Variants in JAKMIP2 observed in about 807,000 individuals in gnomAD.
JAKMIP2 encodes the protein janus kinase and microtubule-interacting protein 2.
In JAKMIP2, 25 loss-of-function variants were observed where a neutral mutation model predicts 115.0. The observed-to-expected ratio is 0.22, with a 90% CI of 0.16 to 0.30. The LOEUF (loss-of-function observed/expected upper bound fraction) is 0.30, where lower values mean the gene tolerates loss of function less well. JAKMIP2 is among the 10% of genes least tolerant of loss of function. The pLI is 1.00. For missense variants in JAKMIP2, 642 were observed against 957.6 expected (o/e 0.67, Z 4.35); for synonymous variants, 334 against 343.6 (o/e 0.97, Z 0.31).
At chr5:147,701,802 G>A (rs1237386382) in intron 1 of JAKMIP2, among the ~76,000 whole-genome samples, 5 of 152,172 alleles carry the variant, frequency 3.3e-5, no homozygotes, top group Admixed American at 1.3e-4. Context: ...GACACCAAAT[G>A]TGCTGGTGCC....
intron 15 of JAKMIP2, among the ~76,000 whole-genome samples, chr5:147,629,031 G>A (rs988212013): frequency 6.6e-6 from 1 of 152,096 alleles, no homozygotes; most frequent in Non-Finnish European, 1.5e-5. Context: ...CCTTAACACC[G>A]ATTTGATTTT....
At chr5:147,764,944 GA>G (rs1755080723) in intron 1 of JAKMIP2, among the ~76,000 whole-genome samples, 1 of 75,338 alleles carries the variant, frequency 1.3e-5, no homozygotes. Flanking sequence ...GAGAGAGAGA[GA>G]GGGAGAGAGA....
At chr5:147,664,695 T>C (rs1759206364) in intron 2 of JAKMIP2, among the ~76,000 whole-genome samples, 1 of 152,116 alleles carries the variant, frequency 6.6e-6, no homozygotes, top group African/African-American at 2.4e-5. Context: ...TTTGCATTTT[T>C]TTGCCCACTT....
intron 1 of JAKMIP2, among the ~76,000 whole-genome samples, chr5:147,763,126 A>C (rs996925091): frequency 2.0e-5 from 3 of 152,108 alleles, no homozygotes; most frequent in African/African-American, 7.2e-5. Flanking sequence ...ACCAGACCAC[A>C]GGCAGCCAGT....
intron 1 of JAKMIP2, among the ~76,000 whole-genome samples, chr5:147,691,604 C>A (rs1189149493): frequency 4.6e-5 from 7 of 152,208 alleles, no homozygotes; most frequent in South Asian, 2.1e-4. Flanking sequence ...TTCTCCCGAA[C>A]CTTGTGTTCA....
Position 147,625,256 on chromosome 5 carries a change from C to T in JAKMIP2, c.1996-1567G>A, listed in dbSNP as rs145594717. On this transcript the variant is annotated intron_variant, in intron 16 of 21. Coordinates refer to ENST00000616793, the MANE Select transcript of JAKMIP2 (RefSeq NM_001270941.2). ...TCGACCTCCCAAAGTGCTAGGATTA[C>T]AGGCGTGAGCCACTGCGCCCAGCCC... 1.2e-3 allele frequency among the ~76,000 whole-genome samples: 183 copies of T among 152,286 alleles called. 1 individual carries two copies. Among genetic ancestry groups the T allele is most frequent in the African/African-American group, 3.9e-3 (161 of 41,564 alleles).
At position 147,688,223 on chromosome 5, in the gene JAKMIP2, C is replaced by G. The variant is rs371813670; in HGVS notation, c.-148-16269G>C. Among the ~76,000 whole-genome samples, 4 of 152,286 alleles carry G rather than the reference C, an allele frequency of 2.6e-5. No individual in the cohort carries two copies. The South Asian group carries it at 8.3e-4, about 32-fold the overall frequency. On this transcript the variant is annotated intron_variant, in intron 1 of 21. Transcript: ENST00000616793. ...ATTTAACACAAGGCTATGTATCATTCATTGTCATAATGTTCTGAGCACTGA... is the reference window on the plus strand; with the variant it reads ...ATTTAACACAAGGCTATGTATCATTGATTGTCATAATGTTCTGAGCACTGA...
Position 147,782,649 on chromosome 5 carries a change from AG to A in JAKMIP2, c.-343del. The A allele has an allele frequency of 1.5e-6, 1 of 685,482 alleles. No individual in the cohort carries two copies. The highest frequency in any genetic ancestry group is 2.6e-6 in the Non-Finnish European group (1 of 379,916). 42.5% of individuals were successfully genotyped at this position (685,482 alleles called of 1,614,324 possible). A position where few individuals can be genotyped will look rare whatever the true frequency, so the allele number is the denominator to read the frequency against. On this transcript the variant is annotated 5_prime_UTR_variant, in exon 1 of 22. It introduces an in-frame stop codon into an upstream open reading frame of the 5' UTR. Transcript: ENST00000616793. ...CCAGCCCCACTAGAGTATCAGCAATAGAGGCGGCGGCGGCGGCAGCAGCAGC... is the reference window on the plus strand; with the variant it reads ...CCAGCCCCACTAGAGTATCAGCAATAAGGCGGCGGCGGCGGCAGCAGCAGC...
At chr5:147,732,614 AAAT>A (rs1232784976) in intron 1 of JAKMIP2, among the ~76,000 whole-genome samples, 1 of 152,204 alleles carries the variant, frequency 6.6e-6, no homozygotes, top group African/African-American at 2.4e-5. Context: ...ACTACTATTA[AAAT>A]AATAATAGCA....
At chr5:147,776,160 GA>G (rs1755546629) in intron 1 of JAKMIP2, among the ~76,000 whole-genome samples, 1 of 152,172 alleles carries the variant, frequency 6.6e-6, no homozygotes, top group Admixed American at 6.5e-5. Context: ...TGAATATAGT[GA>G]AAAAAATAGC....
chr5:147,649,741 C>T (rs879553552), intron 4 of JAKMIP2, among the ~76,000 whole-genome samples: 2 of 152,062 alleles, frequency 1.3e-5, no homozygotes, highest in Non-Finnish European at 2.9e-5. Context: ...CTAAATAATA[C>T]ATTTCCATTA....
At chr5:147,777,225 C>T (rs1342346508) in intron 1 of JAKMIP2, among the ~76,000 whole-genome samples, 9 of 152,034 alleles carry the variant, frequency 5.9e-5, no homozygotes, top group Admixed American at 5.2e-4. Flanking sequence ...GAATATAATG[C>T]CTGACTCACG....
intron 1 of JAKMIP2, among the ~76,000 whole-genome samples, chr5:147,729,054 G>A (rs1753623198): frequency 6.6e-6 from 1 of 152,146 alleles, no homozygotes; most frequent in African/African-American, 2.4e-5. Context: ...TGAGACTACT[G>A]AAGAAACAGT....
chr5:147,639,383 A>G lies in JAKMIP2; in HGVS notation c.1530+249T>C, dbSNP rs374454956. 1.5e-3 allele frequency among the ~76,000 whole-genome samples: 223 copies of G among 152,344 alleles called. 7 individuals carry two copies. The South Asian group carries it at 0.043, about 30-fold the overall frequency. ...CAATATTGTCTAGCTTTGAAAATGT[A>G]TGTTTTCAAACAGCAAGAACAAGAA... On this transcript the variant is annotated intron_variant, in intron 10 of 21. Transcript: ENST00000616793.
intron 21 of JAKMIP2, 50 bp from the exon 22 acceptor site, chr5:147,591,736 T>C (rs1408244387): frequency 3.4e-6 from 4 of 1,167,086 alleles, no homozygotes; most frequent in South Asian, 1.4e-5. Flanking sequence ...TGTTAATAGC[T>C]GAATCATAAA....
chr5:147,692,793 T>C (rs1297536375), intron 1 of JAKMIP2, among the ~76,000 whole-genome samples: 1 of 152,152 alleles, frequency 6.6e-6, no homozygotes, highest in Non-Finnish European at 1.5e-5. Context: ...TCTTTCTCCA[T>C]CTAGATTTGA....
chr5:147,662,165 C>A (rs906258877), intron 2 of JAKMIP2, among the ~76,000 whole-genome samples: 2 of 151,322 alleles, frequency 1.3e-5, no homozygotes. Flanking sequence ...AAGTTTTACA[C>A]ACACACACAC....
Position 147,623,613 on chromosome 5 carries a change from G to T in JAKMIP2, c.2064+8C>A. ...CTTAATTTTTACAATATCTCATCTT[G>T]TACTTACCATGTCACTTTCCAATTC... On this transcript the variant is annotated splice_region_variant and intron_variant, in intron 17 of 21. Coordinates refer to ENST00000616793, the MANE Select transcript of JAKMIP2 (RefSeq NM_001270941.2). The T allele has an allele frequency of 6.4e-7, 1 of 1,573,986 alleles. No homozygotes were observed. Among genetic ancestry groups the T allele is most frequent in the Non-Finnish European group, 8.7e-7 (1 of 1,143,762 alleles).
intron 10 of JAKMIP2, among the ~76,000 whole-genome samples, chr5:147,639,025 A>G (rs781057319): frequency 2.6e-5 from 4 of 152,186 alleles, no homozygotes; most frequent in Non-Finnish European, 5.9e-5. Context: ...TTTTGTTGAA[A>G]TAGGCTCATG....
Sources: gnomAD v4.1 joint callset for allele counts (sites outside exome capture counted in the v4.1 genomes callset) on GRCh38, gnomAD v4.1.1 for gene constraint, MANE v1.5 for transcripts, NCBI Gene and HGNC (gene_info 2026-07-23, HGNC 2026-07-21) for gene names.